Variants in PRPF39 observed in about 807,000 individuals in gnomAD.
The protein encoded by PRPF39 is pre-mRNA processing factor 39, also known as pre-mRNA-processing factor 39.
PRPF39 carries 27 observed loss-of-function variants against 82.1 expected under a neutral mutation model. The observed-to-expected ratio is 0.33, with a 90% CI of 0.24 to 0.45. The LOEUF (loss-of-function observed/expected upper bound fraction) is 0.45. Among genes scored for constraint, PRPF39 ranks in the 20% least tolerant of loss-of-function variants. PRPF39 has a pLI of 1.00. For missense variants in PRPF39, 581 were observed against 796.9 expected (o/e 0.73, Z 3.26); for synonymous variants, 261 against 256.4 (o/e 1.02, Z -0.17).
intron 10 of PRPF39, among the ~76,000 whole-genome samples, chr14:45,111,502 T>C (rs1594737023): frequency 6.6e-6 from 1 of 152,028 alleles, no homozygotes; most frequent in East Asian, 1.9e-4. Context: ...GTCCGGCTGA[T>C]TTTTGTATTT....
rs111471330 is a variant in PRPF39, at chr14:45,091,544, T to A, written c.-19-3677T>A. 6.4e-3 allele frequency among the ~76,000 whole-genome samples: 970 copies of A among 152,332 alleles called. 13 individuals carry two copies. Among genetic ancestry groups the A allele is most frequent in the African/African-American group, 0.022 (916 of 41,568 alleles). On this transcript the variant is annotated intron_variant, in intron 1 of 13. Transcript: ENST00000355765. ...AGACACATGACCCCGAATGCAAAAC[T>A]AATATGACAAACTTATAATAATATT...
In PRPF39 at chr14:45,102,687, AT is replaced by A; in HGVS notation, c.732del (p.Gln245ArgfsTer16). 1.3e-6 allele frequency: 2 copies of A among 1,594,350 alleles called. No homozygotes were observed. The highest frequency in any genetic ancestry group is 1.3e-5 in the African/African-American group (1 of 74,084). On this transcript the variant is annotated frameshift_variant, in exon 5 of 14. Coordinates refer to ENST00000355765, the MANE Select transcript of PRPF39 (RefSeq NM_017922.4). LOFTEE classifies it high-confidence loss of function. The stretch of plus-strand genomic sequence containing the variant: ...ATTCCAACACAGCTGTATAGTCATC[AT>A]TTTCAGAGGTAGGTGGGAAATTCTG... ...LGIPTQLYSH[H>X]FQRFKEHVQN...
intron 4 of PRPF39, among the ~76,000 whole-genome samples, chr14:45,100,799 G>T (rs1884351652): frequency 6.6e-6 from 1 of 152,044 alleles, no homozygotes; most frequent in African/African-American, 2.4e-5. Flanking sequence ...TTATCATATG[G>T]AGTTTTATTT....
intron 6 of PRPF39, 31 bp from the exon 7 acceptor site, chr14:45,108,384 A>G: frequency 1.3e-6 from 2 of 1,557,508 alleles, no homozygotes; most frequent in South Asian, 1.2e-5. Flanking sequence ...ACAGTTTGTG[A>G]GATTTATTTT....
chr14:45,114,104 C>A (rs146147824), intron 11 of PRPF39, 79 bp from the exon 12 acceptor site: 3 of 1,090,412 alleles, frequency 2.8e-6, no homozygotes, highest in African/African-American at 3.3e-5. Flanking sequence ...AGGCAGTTTC[C>A]TAAGTAAAAA....
intron 4 of PRPF39, among the ~76,000 whole-genome samples, chr14:45,100,151 A>T (rs988028778): frequency 2.6e-5 from 4 of 152,138 alleles, no homozygotes; most frequent in African/African-American, 7.2e-5. Context: ...AATTGCTTGA[A>T]CCTGGAAGGC....
intron 1 of PRPF39, among the ~76,000 whole-genome samples, chr14:45,090,846 G>A (rs1883999004): frequency 6.6e-6 from 1 of 152,040 alleles, no homozygotes; most frequent in Admixed American, 6.6e-5. Context: ...GTAATACAGT[G>A]CTGGACATCC....
intron 4 of PRPF39, among the ~76,000 whole-genome samples, chr14:45,097,670 T>G (rs1263558934): frequency 6.6e-6 from 1 of 152,236 alleles, no homozygotes; most frequent in Non-Finnish European, 1.5e-5. Flanking sequence ...TGTTTATGTC[T>G]TGATTGCTCA....
intron 1 of PRPF39, among the ~76,000 whole-genome samples, chr14:45,092,254 G>T (rs1884052554): frequency 6.6e-6 from 1 of 152,156 alleles, no homozygotes; most frequent in Non-Finnish European, 1.5e-5. Context: ...AAGGGATATT[G>T]GGTAGGCAAC....
intron 1 of PRPF39, among the ~76,000 whole-genome samples, chr14:45,087,359 A>G (rs950198420): frequency 6.6e-6 from 1 of 152,172 alleles, no homozygotes; most frequent in Admixed American, 6.5e-5. Context: ...CTCGACTTCC[A>G]AAGTGCTGGG....
intron 1 of PRPF39, among the ~76,000 whole-genome samples, chr14:45,089,813 T>C (rs1883964038): frequency 6.6e-6 from 1 of 152,266 alleles, no homozygotes; most frequent in South Asian, 2.1e-4. Flanking sequence ...AATTGACATA[T>C]AAATAATATG....
At chr14:45,093,245 C>T (rs1022654581) in intron 1 of PRPF39, among the ~76,000 whole-genome samples, 2 of 146,852 alleles carry the variant, frequency 1.4e-5, no homozygotes, top group Admixed American at 1.4e-4. Flanking sequence ...TTTTTTGAGA[C>T]GGAATCTCAC....
intron 7 of PRPF39, among the ~76,000 whole-genome samples, chr14:45,109,097 C>T (rs1270562957): frequency 6.6e-6 from 1 of 152,192 alleles, no homozygotes; most frequent in Non-Finnish European, 1.5e-5. Context: ...ACCCCCAGTG[C>T]TAAGATACCA....
At chr14:45,112,962 C>T (rs997404569) in intron 11 of PRPF39, among the ~76,000 whole-genome samples, 3 of 152,038 alleles carry the variant, frequency 2.0e-5, no homozygotes, top group South Asian at 2.1e-4. Flanking sequence ...TTGTAAAAGC[C>T]GAAAGTTGAG....
intron 5 of PRPF39, among the ~76,000 whole-genome samples, chr14:45,103,053 G>A (rs1411258947): frequency 1.3e-5 from 2 of 152,132 alleles, no homozygotes; most frequent in Non-Finnish European, 2.9e-5. Flanking sequence ...CCTGGCACAT[G>A]ATAGATGCTT....
chr14:45,106,654 G>A lies in PRPF39; in HGVS notation c.738-797G>A, dbSNP rs1272861209. ...TATATGCTAATGTGATTAGGAGAAAGGTTTGGACTTGTGTTGTAGTTTTGA... is the reference window on the plus strand; with the variant it reads ...TATATGCTAATGTGATTAGGAGAAAAGTTTGGACTTGTGTTGTAGTTTTGA... On this transcript the variant is annotated intron_variant, in intron 5 of 13. Transcript: ENST00000355765. Among the ~76,000 whole-genome samples the A allele has an allele frequency of 2.6e-5, 4 of 152,232 alleles. 1 individual carries two copies. The East Asian group carries it at 7.7e-4, about 29-fold the overall frequency.
At chr14:45,101,204 G>C (rs1299639698) in intron 4 of PRPF39, among the ~76,000 whole-genome samples, 1 of 152,164 alleles carries the variant, frequency 6.6e-6, no homozygotes, top group Non-Finnish European at 1.5e-5. Context: ...TTGTATTCTA[G>C]ATGAATAGTA....
Position 45,116,126 on chromosome 14 carries a change from AG to A in PRPF39, c.*1214del. The A allele has an allele frequency of 9.8e-7, 1 of 1,022,084 alleles. No homozygotes were observed. Among genetic ancestry groups the A allele is most frequent in the East Asian group, 2.4e-5 (1 of 41,840 alleles). The allele number at this position is 1,022,084 out of a possible 1,614,324, so 63.3% of individuals were successfully genotyped here. On this transcript the variant is annotated 3_prime_UTR_variant, in exon 14 of 14. Transcript: ENST00000355765. ...TTTACAATAGTAACAAGTTCTAACT[AG>A]TTGTGTAAATTTCTTCAAGGCCAAG...
intron 1 of PRPF39, among the ~76,000 whole-genome samples, 193 bp downstream of exon 1, chr14:45,084,442 G>A (rs1175742615): frequency 6.6e-6 from 1 of 152,164 alleles, no homozygotes; most frequent in East Asian, 1.9e-4. Flanking sequence ...GCGGTGCAAG[G>A]TATTTTTTTC....
Sources: gnomAD v4.1 joint callset for allele counts (sites outside exome capture counted in the v4.1 genomes callset) on GRCh38, gnomAD v4.1.1 for gene constraint, MANE v1.5 for transcripts, NCBI Gene and HGNC (gene_info 2026-07-23, HGNC 2026-07-21) for gene names.